PTPRD: variants seen among roughly 807,000 people sequenced by gnomAD.
PTPRD encodes the protein protein tyrosine phosphatase receptor type D.
A neutral mutation model predicts 214.5 loss-of-function variants in PTPRD; 34 were observed. That is an observed-to-expected ratio of 0.16 (90% confidence interval 0.12 to 0.21). PTPRD has a LOEUF of 0.21. Ranked by LOEUF, PTPRD falls within the 10% of genes least tolerant of loss-of-function variation. The probability of loss-of-function intolerance (pLI) is 1.00; values close to 1 mark genes in which losing one functional copy is unlikely to be tolerated. For missense variants in PTPRD, 2,545 were observed against 2,398.7 expected, an observed-to-expected ratio of 1.06 and a Z score of -1.27; for synonymous variants, 1,128 against 845.7, an observed-to-expected ratio of 1.33 and a Z score of -5.79.
At chr9:9,343,362 T>G (rs1020173323) in intron 9 of PTPRD, among the ~76,000 whole-genome samples, 1 of 152,200 alleles carries the variant, frequency 6.6e-6, no homozygotes, top group African/African-American at 2.4e-5. Context: ...GTGTTCCTAT[T>G]TCTCCACATC....
intron 11 of PTPRD, among the ~76,000 whole-genome samples, chr9:8,755,103 T>C (rs1441635829): frequency 6.6e-6 from 1 of 152,032 alleles, no homozygotes; most frequent in African/African-American, 2.4e-5. Context: ...ATACTGCTGG[T>C]TAGAGTGCCA....
At chr9:9,953,875 C>T (rs926793163) in intron 4 of PTPRD, among the ~76,000 whole-genome samples, 1 of 152,168 alleles carries the variant, frequency 6.6e-6, no homozygotes, top group African/African-American at 2.4e-5. Context: ...CATACACACA[C>T]TCAATGTTGC....
In PTPRD at chr9:9,964,029, CACAG is replaced by C. The variant is rs758470992; in HGVS notation, c.-471-25423_-471-25420del. ...TTAAAATGTGTATGAGTCAGAGAGA[CACAG>C]ACAGAGCCAGACAGAGGCAGAGGCA... is the stretch of plus-strand genomic sequence containing the variant. On this transcript the variant is annotated intron_variant, in intron 4 of 45. Coordinates refer to ENST00000381196, the MANE Select transcript of PTPRD (RefSeq NM_002839.4). Among the ~76,000 whole-genome samples the C allele has an allele frequency of 8.0e-4, 85 of 106,430 alleles. 1 individual carries two copies. The East Asian group carries it at 0.022, about 27-fold the overall frequency. The allele number at this position is 106,430 out of a possible 152,430, so 69.8% of individuals were successfully genotyped here.
At position 9,559,034 on chromosome 9, in the gene PTPRD, CG is replaced by C. The variant is rs1170009308; in HGVS notation, c.-237+15697del. On this transcript the variant is annotated intron_variant, in intron 8 of 45. Transcript: ENST00000381196. ...AAGTGGATGTCCGCACGTTCCAGTCCGGGGGGGTAGCTATCCATGAGTGCAC... is the reference window on the plus strand; with the variant it reads ...AAGTGGATGTCCGCACGTTCCAGTCCGGGGGGTAGCTATCCATGAGTGCAC... 9.9e-5 allele frequency among the ~76,000 whole-genome samples: 15 copies of C among 152,218 alleles called. No homozygotes were observed. In the South Asian group the frequency reaches 1.0e-3, roughly 11 times the overall value.
At chr9:10,322,848 A>C (rs1341364789) in intron 3 of PTPRD, among the ~76,000 whole-genome samples, 1 of 151,992 alleles carries the variant, frequency 6.6e-6, no homozygotes, top group African/African-American at 2.4e-5. Flanking sequence ...GTCATCAGGG[A>C]GGGACTCCTC....
intron 4 of PTPRD, among the ~76,000 whole-genome samples, chr9:9,954,838 A>G (rs1252114742): frequency 6.6e-6 from 1 of 152,162 alleles, no homozygotes; most frequent in Non-Finnish European, 1.5e-5. Context: ...TCAAATGGCT[A>G]TATTGATTAG....
At chr9:8,376,200 C>T in intron 38 of PTPRD, 110 bp from the exon 39 acceptor site, 1 of 1,240,740 alleles carries the variant, frequency 8.1e-7, no homozygotes, top group Non-Finnish European at 1.1e-6. Context: ...TCCTTTCTAC[C>T]ACCCTGTAGC....
chr9:9,029,084 C>A lies in PTPRD; in HGVS notation c.-142-10349G>T, dbSNP rs183756440. Among the ~76,000 whole-genome samples, 304 of 151,886 alleles carry A rather than the reference C, an allele frequency of 2.0e-3. 1 individual carries two copies. Among genetic ancestry groups the A allele is most frequent in the Middle Eastern group, 3.4e-3 (1 of 294 alleles). Reference sequence around the variant, plus strand: ...GAAAAATAATATGAAATATCTCATTCATATTAGTCATTATTATCTATTAAA... The same window carrying A: ...GAAAAATAATATGAAATATCTCATTAATATTAGTCATTATTATCTATTAAA... On this transcript the variant is annotated intron_variant, in intron 10 of 45. Coordinates refer to ENST00000381196, the MANE Select transcript of PTPRD (RefSeq NM_002839.4).
intron 2 of PTPRD, among the ~76,000 whole-genome samples, chr9:10,534,442 G>A (rs1447595659): frequency 1.3e-5 from 2 of 151,930 alleles, no homozygotes; most frequent in East Asian, 3.9e-4. Context: ...TGATGATTTT[G>A]GTGTTTGACT....
intron 11 of PTPRD, among the ~76,000 whole-genome samples, chr9:8,966,368 A>T (rs1454198187): frequency 6.6e-6 from 1 of 152,096 alleles, no homozygotes; most frequent in Non-Finnish European, 1.5e-5. Flanking sequence ...GTCTACAGTA[A>T]CCAAAACAGC....
At chr9:10,044,179 C>T (rs1011621950) in intron 3 of PTPRD, among the ~76,000 whole-genome samples, 3 of 151,544 alleles carry the variant, frequency 2.0e-5, no homozygotes, top group Admixed American at 6.6e-5. Flanking sequence ...GGATATTCTC[C>T]CTATAATTGT....
intron 2 of PTPRD, among the ~76,000 whole-genome samples, chr9:10,566,633 T>C (rs1282013698): frequency 1.3e-5 from 2 of 152,024 alleles, no homozygotes; most frequent in East Asian, 1.9e-4. Flanking sequence ...TCATTCAGTG[T>C]CTTTTCTTTT....
intron 2 of PTPRD, among the ~76,000 whole-genome samples, chr9:10,590,052 G>C (rs989184637): frequency 1.3e-5 from 2 of 151,966 alleles, no homozygotes; most frequent in Non-Finnish European, 2.9e-5. Context: ...AATGTTCCAA[G>C]TTTGACACCA....
intron 12 of PTPRD, among the ~76,000 whole-genome samples, chr9:8,696,009 T>G (rs1235463945): frequency 6.6e-6 from 1 of 152,212 alleles, no homozygotes; most frequent in Non-Finnish European, 1.5e-5. Context: ...GGATTTCTAT[T>G]TGATTGCTCA....
intron 9 of PTPRD, among the ~76,000 whole-genome samples, chr9:9,273,494 G>A (rs1324203538): frequency 6.6e-6 from 1 of 151,206 alleles, no homozygotes; most frequent in African/African-American, 2.4e-5. Flanking sequence ...CTTATATAGT[G>A]TACATTAAAT....
chr9:9,696,519 C>G (rs983536453), intron 7 of PTPRD, among the ~76,000 whole-genome samples: 1 of 152,064 alleles, frequency 6.6e-6, no homozygotes, highest in Non-Finnish European at 1.5e-5. Flanking sequence ...ATTGTTATAT[C>G]CTTTCATGGG....
intron 8 of PTPRD, among the ~76,000 whole-genome samples, chr9:9,481,792 G>A (rs2095425118): frequency 6.6e-6 from 1 of 152,094 alleles, no homozygotes. Flanking sequence ...GAGAATCACA[G>A]AAACAGAGTT....
intron 8 of PTPRD, among the ~76,000 whole-genome samples, chr9:9,474,730 T>C (rs1451508409): frequency 6.6e-6 from 1 of 152,118 alleles, no homozygotes; most frequent in South Asian, 2.1e-4. Flanking sequence ...GATTTCTTTT[T>C]CAAATAGTTT....
At chr9:9,852,218 A>C (rs764377303) in intron 5 of PTPRD, among the ~76,000 whole-genome samples, 10 of 152,174 alleles carry the variant, frequency 6.6e-5, no homozygotes, top group Non-Finnish European at 1.5e-4. Flanking sequence ...TTGCAAAAAT[A>C]AAATTTACAG....
Sources: allele counts gnomAD v4.1 joint callset (sites outside exome capture counted in the v4.1 genomes callset), GRCh38; gene constraint gnomAD v4.1.1; transcripts MANE v1.5; gene names NCBI Gene and HGNC (gene_info 2026-07-23, HGNC 2026-07-21).